RMND5B: variants seen among roughly 807,000 people sequenced by gnomAD.
RMND5B encodes E3 ubiquitin-protein transferase RMND5B.
In RMND5B, 42 loss-of-function variants were observed where a neutral mutation model predicts 50.4. The observed-to-expected ratio is 0.83, with a 90% CI of 0.65 to 1.08. The LOEUF (loss-of-function observed/expected upper bound fraction) is 1.08. Among genes scored for constraint, RMND5B ranks in the 50% least tolerant of loss-of-function variants. The pLI is 0.00. For synonymous variants in RMND5B, 220 were observed against 210.0 expected (o/e 1.05, Z -0.41); for missense variants, 463 against 508.5 (o/e 0.91, Z 0.86).
chr5:178,135,545 A>T (rs1758577496), intron 2 of RMND5B, among the ~76,000 whole-genome samples: 1 of 152,166 alleles, frequency 6.6e-6, no homozygotes. Context: ...CAGTTTCTAA[A>T]TGCTCCACAG....
At chr5:178,144,852 C>T (rs368621424) in intron 7 of RMND5B, among the ~76,000 whole-genome samples, 2 of 152,210 alleles carry the variant, frequency 1.3e-5, no homozygotes, top group East Asian at 3.9e-4. Flanking sequence ...CCTGCCCCTG[C>T]TCCCATCTCT....
chr5:178,145,593 C>T (rs548690617), intron 7 of RMND5B, among the ~76,000 whole-genome samples: 88 of 151,676 alleles, frequency 5.8e-4, no homozygotes, highest in African/African-American at 2.1e-3. Flanking sequence ...TTATTAGAGA[C>T]GGGGTTTCAC....
At position 178,149,529 on chromosome 5, in the gene RMND5B, G is replaced by A; in HGVS notation, c.*1497G>A. 1.5e-6 allele frequency: 1 copy of A among 649,834 alleles called. No homozygotes were observed. The highest frequency in any genetic ancestry group is 2.7e-6 in the Non-Finnish European group (1 of 375,378). The allele number at this position is 649,834 out of a possible 1,614,324, so 40.3% of individuals were successfully genotyped here. On this transcript the variant is annotated 3_prime_UTR_variant, in exon 11 of 11. Transcript: ENST00000313386. ...AACAGCCTTTAGTTCTACAGGAAAT[G>A]GCACTGATGGACAGAAGACTAGCAT...
chr5:178,145,877 G>C, intron 7 of RMND5B: 2 of 494,014 alleles, frequency 4.0e-6, no homozygotes, highest in Middle Eastern at 5.4e-4. Context: ...CCTCATTCCT[G>C]ATTCTGTGTT....
chr5:178,150,564 G>T lies in RMND5B; in HGVS notation c.*2532G>T, dbSNP rs1756249510. The T allele has an allele frequency of 4.7e-6, 2 of 428,958 alleles. No homozygotes were observed. Among genetic ancestry groups the T allele is most frequent in the South Asian group, 3.9e-5 (2 of 50,880 alleles). The allele number at this position is 428,958 out of a possible 1,614,324, so 26.6% of individuals were successfully genotyped here. A position where few individuals can be genotyped will look rare whatever the true frequency, so the allele number is the denominator to read the frequency against. On this transcript the variant is annotated 3_prime_UTR_variant, in exon 11 of 11. Coordinates refer to ENST00000313386, the MANE Select transcript of RMND5B (RefSeq NM_022762.5). ...CCAGCTAATTAAAAAAATTTTTTTT[G>T]TAGAGATGGAGTCTCACTTTGTTGC...
At chr5:178,147,506 A>ACT (rs1288685620) in intron 8 of RMND5B, 27 bp from the exon 9 acceptor site, 17 of 1,601,616 alleles carry the variant, frequency 1.1e-5, no homozygotes, top group Non-Finnish European at 1.4e-5. Flanking sequence ...GATCTGAGCC[A>ACT]CTCTAGCCCC....
Position 178,138,238 on chromosome 5 carries a change from G to A in RMND5B, c.119G>A (p.Arg40Gln), listed in dbSNP as rs757144034. The A allele has an allele frequency of 8.7e-6, 14 of 1,613,418 alleles. No individual in the cohort carries two copies. Among genetic ancestry groups the A allele is most frequent in the African/African-American group, 6.7e-5 (5 of 74,914 alleles). ...EELLHYVGQL[R>Q]AELASAALQG... ...CTGCTGCACTACGTGGGCCAGCTGC[G>A]GGCTGAGCTGGCCAGCGCAGGTGGG... Residue 40 changes from arginine (R) to glutamine (Q), a missense_variant, in exon 3 of 11, where the codon CGG becomes CAG. Physicochemically the swap from Arg to Gln is conservative, Grantham distance 43. Transcript: ENST00000313386. This position sits in a 1 kb window ranked among gnomAD's most constrained non-coding sequence, Gnocchi z 5.1.
rs1756108638 is a variant in RMND5B, at chr5:178,147,770, G to T, written c.1005G>T (p.Val335=). The change falls in exon 10 of 11, where the codon GTG becomes GTT. Residue 335 remains valine (V), a synonymous_variant. Transcript: ENST00000313386. ...GCATGAAGTGCTGGTACCACTCCGTGTTCGCTTGCCCCATCCTCCGCCAGC... is the reference window on the plus strand; with the variant it reads ...GCATGAAGTGCTGGTACCACTCCGTTTTCGCTTGCCCCATCCTCCGCCAGC... ...ELGMKCWYHS[V]FACPILRQQT... is the part of the protein sequence containing the mutation. 1 of 1,614,030 alleles carries T rather than the reference G, an allele frequency of 6.2e-7. No homozygotes were observed.
rs1758692804 is a variant in RMND5B at position 178,137,746 on chromosome 5, T to G, written c.-12-362T>G. Among the ~76,000 whole-genome samples the G allele has an allele frequency of 6.6e-6, 1 of 152,210 alleles. No homozygotes were observed. Among genetic ancestry groups the G allele is most frequent in the African/African-American group, 2.4e-5 (1 of 41,452 alleles). ...ATTATGCAGTATATGGATTTCTAGTTAGATAGTATTGCCAGCTAAGGGCTC... is the reference window on the plus strand; with the variant it reads ...ATTATGCAGTATATGGATTTCTAGTGAGATAGTATTGCCAGCTAAGGGCTC... On this transcript the variant is annotated intron_variant, in intron 2 of 10. Transcript: ENST00000313386. The surrounding 1 kb of genome is among the most constrained non-coding windows in gnomAD (Gnocchi z 4.4).
chr5:178,144,378 G>A (rs1409960667), intron 7 of RMND5B, among the ~76,000 whole-genome samples: 1 of 151,916 alleles, frequency 6.6e-6, no homozygotes, highest in Admixed American at 6.6e-5. Context: ...CTCATTTAGA[G>A]CATGCCATGC....
intron 3 of RMND5B, among the ~76,000 whole-genome samples, chr5:178,140,237 G>C (rs980260884): frequency 6.6e-6 from 1 of 152,054 alleles, no homozygotes; most frequent in Non-Finnish European, 1.5e-5. Flanking sequence ...GCAGTGGCAC[G>C]ATCTTGGCTC....
At chr5:178,135,223 G>A in intron 2 of RMND5B, 1 of 224,416 alleles carries the variant, frequency 4.5e-6, no homozygotes, top group South Asian at 4.1e-5. Flanking sequence ...ATGGCTGACT[G>A]CAGCCTTGAC....
intron 8 of RMND5B, chr5:178,146,674 A>G (rs570315454): frequency 1.2e-4 from 23 of 185,962 alleles, no homozygotes; most frequent in African/African-American, 4.9e-4. Flanking sequence ...GTTGAGTAAT[A>G]TGTATTCAGC....
chr5:178,143,977 T>G lies in RMND5B; in HGVS notation c.563T>G (p.Leu188Arg), dbSNP rs767756228. 3 of 1,614,134 alleles carry G rather than the reference T, an allele frequency of 1.9e-6. No individual in the cohort carries two copies. The highest frequency in any genetic ancestry group is 2.5e-6 in the Non-Finnish European group (3 of 1,180,048). ...TCCCACAGGCAGCGCCTGCTGGAAC[T>G]CAACAGCTCCCTGGAGTTCAAGCTG... ...AVSHRQRLLELNSSLEFKLHR... is the reference protein window; with the variant it reads ...AVSHRQRLLERNSSLEFKLHR... The change falls in exon 7 of 11, where the codon CTC (leucine) becomes CGC (arginine). Residue 188 changes from leucine (L) to arginine (R), a missense_variant. By Grantham distance (102) the Leu-to-Arg change is moderately radical. Transcript: ENST00000313386.
Position 178,143,952 on chromosome 5 carries a change from T to TC in RMND5B, c.541dup (p.His181ProfsTer86). On this transcript the variant is annotated frameshift_variant, in exon 7 of 11. Coordinates refer to ENST00000313386, the MANE Select transcript of RMND5B (RefSeq NM_022762.5). LOFTEE classifies it high-confidence loss of function. ...CCCCTTTCTTCCCAGATGGGCCGTC[T>TC]CCCACAGGCAGCGCCTGCTGGAACT... 1 of 1,614,200 alleles carries TC rather than the reference T, an allele frequency of 6.2e-7. No homozygotes were observed. The highest frequency in any genetic ancestry group is 8.5e-7 in the Non-Finnish European group (1 of 1,180,004).
intron 2 of RMND5B, chr5:178,135,257 G>A (rs1439538827): frequency 2.1e-5 from 5 of 238,124 alleles, no homozygotes; most frequent in South Asian, 7.2e-5. Context: ...GCAGTCCTCC[G>A]TCCCACCTCA....
At chr5:178,131,851 G>A (rs955849956) in intron 2 of RMND5B, among the ~76,000 whole-genome samples, 22 of 152,308 alleles carry the variant, frequency 1.4e-4, no homozygotes, top group African/African-American at 5.3e-4. Flanking sequence ...TGGTAAGAAA[G>A]GGAAAGAGTG....
At chr5:178,145,160 C>T (rs1755924485) in intron 7 of RMND5B, among the ~76,000 whole-genome samples, 1 of 152,056 alleles carries the variant, frequency 6.6e-6, no homozygotes, top group African/African-American at 2.4e-5. Context: ...AGCGATTCTC[C>T]TGCCTCAGCC....
chr5:178,143,999 G>C lies in RMND5B; in HGVS notation c.585G>C (p.Lys195Asn). The change falls in exon 7 of 11, where the codon AAG becomes AAC. Residue 195 changes from lysine (K) to asparagine (N), a missense_variant. By Grantham distance (94) the Lys-to-Asn change is moderately conservative. Transcript: ENST00000313386. Reference sequence around the variant, plus strand: ...AACTCAACAGCTCCCTGGAGTTCAAGCTGCACCGACTGCACTTCATCCGCC... The same window carrying C: ...AACTCAACAGCTCCCTGGAGTTCAACCTGCACCGACTGCACTTCATCCGCC... ...LLELNSSLEF[K>N]LHRLHFIRLL... 6.2e-7 allele frequency: 1 copy of C among 1,614,256 alleles called. No homozygotes were observed.
Sources: gnomAD v4.1 joint callset for allele counts (sites outside exome capture counted in the v4.1 genomes callset) on GRCh38, gnomAD v4.1.1 for gene constraint, Gnocchi (gnomAD v3.1) non-coding constraint, MANE v1.5 for transcripts, NCBI Gene and HGNC (gene_info 2026-07-23, HGNC 2026-07-21) for gene names.